The following RFX3 variants were observed in gnomAD, a reference collection of about 807,000 sequenced individuals.
The protein encoded by RFX3 is regulatory factor X3, also known as transcription factor RFX3.
A neutral mutation model predicts 98.6 loss-of-function variants in RFX3; 14 were observed. That is an observed-to-expected ratio of 0.14 (90% confidence interval 0.09 to 0.22). The LOEUF (loss-of-function observed/expected upper bound fraction) is 0.22, where lower values mean the gene tolerates loss of function less well. Among genes scored for constraint, RFX3 ranks in the 10% least tolerant of loss-of-function variants. The pLI, the probability that RFX3 is intolerant of heterozygous loss-of-function variation, is 1.00. For synonymous variants in RFX3, 383 were observed against 328.4 expected, an observed-to-expected ratio of 1.17 and a Z score of -1.80; for missense variants, 639 against 926.9, an observed-to-expected ratio of 0.69 and a Z score of 4.03.
chr9:3,412,260 G>A (rs534642940), intron 1 of RFX3, among the ~76,000 whole-genome samples: 21 of 152,282 alleles, frequency 1.4e-4, no homozygotes, highest in African/African-American at 4.8e-4. Flanking sequence ...TAAGCTCACA[G>A]ACTCTAAGGT....
intron 13 of RFX3, among the ~76,000 whole-genome samples, chr9:3,260,636 G>T (rs1031086968): frequency 6.6e-6 from 1 of 151,384 alleles, no homozygotes; most frequent in African/African-American, 2.4e-5. Flanking sequence ...TCTGAAAAAA[G>T]ATTTGAAATA....
intron 2 of RFX3, among the ~76,000 whole-genome samples, chr9:3,387,406 G>C (rs147714982): frequency 6.6e-6 from 1 of 151,982 alleles, no homozygotes; most frequent in Admixed American, 6.6e-5. Flanking sequence ...GAGAATCAAA[G>C]CATACTATTA....
At chr9:3,284,611 G>C (rs1325427194) in intron 7 of RFX3, among the ~76,000 whole-genome samples, 2 of 151,574 alleles carry the variant, frequency 1.3e-5, no homozygotes, top group South Asian at 4.2e-4. Flanking sequence ...TCATTAGAGT[G>C]ATATTTGAAA....
chr9:3,312,605 T>C (rs1830090060), intron 4 of RFX3, among the ~76,000 whole-genome samples: 1 of 150,520 alleles, frequency 6.6e-6, no homozygotes, highest in Admixed American at 6.6e-5. Flanking sequence ...GGATTGAGGT[T>C]CCAAGATGGC....
chr9:3,270,651 G>A, intron 10 of RFX3, 126 bp from the exon 11 acceptor site: 1 of 916,880 alleles, frequency 1.1e-6, no homozygotes, highest in Non-Finnish European at 1.6e-6. Context: ...TTGCACTGGT[G>A]CCATACAGCT....
At chr9:3,344,949 T>A in intron 3 of RFX3, 2 of 651,606 alleles carry the variant, frequency 3.1e-6, no homozygotes, top group African/African-American at 1.9e-5. Context: ...GGTATAGATT[T>A]AATACGGTAA....
At position 3,410,325 on chromosome 9, in the gene RFX3, C is replaced by T. The variant is rs146671435; in HGVS notation, c.-8-14729G>A. Among the ~76,000 whole-genome samples, 640 of 152,036 alleles carry T rather than the reference C, an allele frequency of 4.2e-3. 3 individuals are homozygous for T. Among genetic ancestry groups the T allele is most frequent in the Middle Eastern group, 0.037 (11 of 294 alleles). ...ACTTTACATAGAGTATCTTGGTGTTCCATGCTCAGTATTTTATTATTATAC... is the reference window on the plus strand; with the variant it reads ...ACTTTACATAGAGTATCTTGGTGTTTCATGCTCAGTATTTTATTATTATAC... On this transcript the variant is annotated intron_variant, in intron 1 of 16. Coordinates refer to ENST00000617270, the MANE Select transcript of RFX3 (RefSeq NM_001282116.2).
intron 1 of RFX3, among the ~76,000 whole-genome samples, chr9:3,519,867 A>G (rs1818529817): frequency 6.6e-6 from 1 of 152,136 alleles, no homozygotes; most frequent in Non-Finnish European, 1.5e-5. Context: ...TTTTGAAGCA[A>G]TACAACTTGC....
intron 13 of RFX3, among the ~76,000 whole-genome samples, chr9:3,261,057 A>C (rs1822820497): frequency 6.6e-6 from 1 of 151,872 alleles, no homozygotes; most frequent in African/African-American, 2.4e-5. Context: ...CAAGAAGTAG[A>C]AATTAAAATT....
chr9:3,316,287 T>A (rs1399870194), intron 4 of RFX3, among the ~76,000 whole-genome samples: 1 of 152,142 alleles, frequency 6.6e-6, no homozygotes, highest in Non-Finnish European at 1.5e-5. Context: ...TATGATTATC[T>A]CAATAGATGC....
In RFX3 at chr9:3,221,120, T is replaced by C. The variant is rs1304677391; in HGVS notation, c.*3922A>G. The C allele has an allele frequency of 6.6e-6, 1 of 152,104 alleles. No individual in the cohort carries two copies. The highest frequency in any genetic ancestry group is 1.5e-5 in the Non-Finnish European group (1 of 68,012). 9.4% of individuals were successfully genotyped at this position (152,104 alleles called of 1,614,324 possible). On this transcript the variant is annotated 3_prime_UTR_variant, in exon 17 of 17. Transcript: ENST00000617270. ...CACTGCCTCAAATTGTACACAAAGG[T>C]GACTTGCCAAGTTTTTTCTTTCTAC...
chr9:3,510,985 C>T (rs530636542), intron 1 of RFX3, among the ~76,000 whole-genome samples: 2 of 152,008 alleles, frequency 1.3e-5, no homozygotes, highest in Non-Finnish European at 2.9e-5. Flanking sequence ...TAGTGTATCA[C>T]TTTGGTTATT....
At chr9:3,404,030 C>A (rs1264406342) in intron 1 of RFX3, among the ~76,000 whole-genome samples, 1 of 151,212 alleles carries the variant, frequency 6.6e-6, no homozygotes, top group Non-Finnish European at 1.5e-5. Context: ...TAATGACAGA[C>A]TCAAAGAGAT....
At chr9:3,504,847 T>TA (rs1214902753) in intron 1 of RFX3, among the ~76,000 whole-genome samples, 1 of 88,724 alleles carries the variant, frequency 1.1e-5, no homozygotes, top group African/African-American at 5.0e-5. Context: ...AAAATATATA[T>TA]ATTATATATG....
intron 1 of RFX3, among the ~76,000 whole-genome samples, chr9:3,397,594 A>G (rs1356923983): frequency 1.3e-5 from 2 of 152,184 alleles, no homozygotes; most frequent in Non-Finnish European, 2.9e-5. Flanking sequence ...AGAGATTAAG[A>G]GACTTGTTCA....
intron 1 of RFX3, among the ~76,000 whole-genome samples, chr9:3,396,644 T>G (rs1260169768): frequency 6.6e-6 from 1 of 152,208 alleles, no homozygotes; most frequent in Non-Finnish European, 1.5e-5. Context: ...TGAACTAGTT[T>G]ATGGTCCCAT....
intron 2 of RFX3, among the ~76,000 whole-genome samples, chr9:3,369,805 G>C (rs528008274): frequency 6.6e-6 from 1 of 152,148 alleles, no homozygotes; most frequent in African/African-American, 2.4e-5. Context: ...TAGATTTACA[G>C]AGCAGTTGTT....
At chr9:3,296,060 A>G (rs1563879409) in intron 5 of RFX3, among the ~76,000 whole-genome samples, 1 of 151,980 alleles carries the variant, frequency 6.6e-6, no homozygotes, top group African/African-American at 2.4e-5. Flanking sequence ...GATCATAGGA[A>G]TTATCTTGTA....
In RFX3 at chr9:3,298,247, T is replaced by C. The variant is rs74775760; in HGVS notation, c.549+3299A>G. ...AGAGGAAAAAAAGAGTTATTTACTC[T>C]TAAACTGAAGGCTGCATATAGAGAA... On this transcript the variant is annotated intron_variant, in intron 5 of 16. Coordinates refer to ENST00000617270, the MANE Select transcript of RFX3 (RefSeq NM_001282116.2). Among the ~76,000 whole-genome samples, 1,022 of 151,990 alleles carry C rather than the reference T, an allele frequency of 6.7e-3. 11 individuals carry two copies. Among genetic ancestry groups the C allele is most frequent in the African/African-American group, 0.023 (968 of 41,518 alleles).
Sources: allele counts gnomAD v4.1 joint callset (sites outside exome capture counted in the v4.1 genomes callset), GRCh38; gene constraint gnomAD v4.1.1; transcripts MANE v1.5; gene names NCBI Gene and HGNC (gene_info 2026-07-23, HGNC 2026-07-21).